The following RNF135 variants were observed in gnomAD, a reference collection of about 807,000 sequenced individuals.
RNF135 encodes ring finger protein 135.
Under a neutral mutation model 41.9 loss-of-function variants are expected in RNF135, and 46 were observed. That is an observed-to-expected ratio of 1.10 (90% CI 0.87 to 1.40). The LOEUF is 1.40. RNF135 is among the 40% of genes most tolerant of loss of function. The probability of loss-of-function intolerance (pLI) is 0.00; values close to 1 mark genes in which losing one functional copy is unlikely to be tolerated. For synonymous variants in RNF135, 238 were observed against 223.8 expected, an observed-to-expected ratio of 1.06 and a Z score of -0.57; for missense variants, 539 against 549.8, an observed-to-expected ratio of 0.98 and a Z score of 0.20.
intron 1 of RNF135, 118 bp downstream of exon 1, chr17:30,971,563 G>C: frequency 7.3e-7 from 1 of 1,367,316 alleles, no homozygotes; most frequent in Non-Finnish European, 9.4e-7. Context: ...CCTTTTCTCA[G>C]TCTAAAAGTC....
chr17:30,994,387 T>C (rs531589605), intron 3 of RNF135, among the ~76,000 whole-genome samples: 1 of 151,736 alleles, frequency 6.6e-6, no homozygotes, highest in African/African-American at 2.4e-5. Context: ...CTACCAAAAA[T>C]ACAAAAACTA....
intron 1 of RNF135, among the ~76,000 whole-genome samples, chr17:30,974,549 C>A (rs1598077854): frequency 6.8e-6 from 1 of 147,336 alleles, no homozygotes; most frequent in African/African-American, 2.5e-5. Context: ...CACAGAATGT[C>A]TTTTTATTTA....
the RNF135 span, among the ~76,000 whole-genome samples, chr17:30,960,743 TA>T: frequency 2.4e-3 from 317 of 132,702 alleles, 1 homozygote; most frequent in African/African-American, 0.01. Flanking sequence ...TATTTTATTT[TA>T]TTTTTTTTTT....
At chr17:30,984,787 T>A (rs562743505) in intron 2 of RNF135, 27 bp downstream of exon 2, 1 of 1,613,224 alleles carries the variant, frequency 6.2e-7, no homozygotes, top group Non-Finnish European at 8.5e-7. Flanking sequence ...GAGGAAAGGA[T>A]GTGGAAGGGA....
intron 4 of RNF135, 78 bp downstream of exon 4, chr17:30,997,409 C>T (rs754610054): frequency 1.6e-6 from 2 of 1,225,856 alleles, no homozygotes; most frequent in Admixed American, 1.7e-5. Context: ...ATCCATCTCC[C>T]TACTGCTAGG....
At chr17:30,979,540 C>CG (rs1170110084) in intron 1 of RNF135, among the ~76,000 whole-genome samples, 1 of 96,352 alleles carries the variant, frequency 1.0e-5, no homozygotes, top group Non-Finnish European at 2.5e-5. Context: ...CGACCCCCCC[C>CG]CCCCGCCTCC....
upstream of RNF135, among the ~76,000 whole-genome samples, chr17:30,966,012 C>T (rs1480231113): frequency 6.6e-6 from 1 of 152,174 alleles, no homozygotes; most frequent in Non-Finnish European, 1.5e-5. Context: ...TACATAACTC[C>T]TGAAGGTAAG....
chr17:30,980,355 C>T (rs1907000082), intron 1 of RNF135: 1 of 148,110 alleles, frequency 6.8e-6, no homozygotes, highest in Non-Finnish European at 1.5e-5. Context: ...CCACCTCCCT[C>T]CCGGACGGGG....
At position 30,983,353 on chromosome 17, in the gene RNF135, A is replaced by ATTTT. The variant is rs1192298651; in HGVS notation, c.373-1249_373-1246dup. On this transcript the variant is annotated intron_variant, in intron 1 of 4. Coordinates refer to ENST00000328381, the MANE Select transcript of RNF135 (RefSeq NM_032322.4). ...TATATATATATATATATATATATAT[A>ATTTT]TTTTTTTTTTTTTTTTTTGAGATGG... Among the ~76,000 whole-genome samples the ATTTT allele has an allele frequency of 1.3e-3, 46 of 35,722 alleles. 1 individual carries two copies. Among genetic ancestry groups the ATTTT allele is most frequent in the East Asian group, 3.5e-3 (4 of 1,130 alleles). The allele number at this position is 35,722 out of a possible 152,430, so 23.4% of individuals were successfully genotyped here. A position where few individuals can be genotyped will look rare whatever the true frequency, so the allele number is the denominator to read the frequency against.
intron 1 of RNF135, among the ~76,000 whole-genome samples, chr17:30,974,492 T>A (rs1473125688): frequency 6.6e-6 from 1 of 152,058 alleles, no homozygotes; most frequent in African/African-American, 2.4e-5. Context: ...TAGATCACTT[T>A]GGGTAGTATT....
At chr17:30,962,964 G>T in the RNF135 span, among the ~76,000 whole-genome samples, 1 of 152,040 alleles carries the variant, frequency 6.6e-6, no homozygotes, top group Admixed American at 6.6e-5. Flanking sequence ...TGTTCTGATA[G>T]GTATGGAGTG....
chr17:30,968,887 A>G (rs965392243), upstream of RNF135: 6 of 151,574 alleles, frequency 4.0e-5, no homozygotes, highest in African/African-American at 1.5e-4. Context: ...AATTTTTTTG[A>G]GACTAGGTCT....
the RNF135 span, chr17:30,965,325 AG>A: frequency 6.6e-6 from 1 of 152,294 alleles, no homozygotes; most frequent in Admixed American, 6.5e-5. Flanking sequence ...TGGGCAACAA[AG>A]ACCCTGTCTC....
At chr17:30,990,264 T>A (rs1248999446) in intron 3 of RNF135, among the ~76,000 whole-genome samples, 2 of 152,162 alleles carry the variant, frequency 1.3e-5, no homozygotes, top group East Asian at 1.9e-4. Context: ...GGCTCATGCC[T>A]GTAATCCCAG....
intron 4 of RNF135, 27 bp from the exon 5 acceptor site, chr17:30,998,635 C>A: frequency 6.2e-7 from 1 of 1,608,894 alleles, no homozygotes; most frequent in Non-Finnish European, 8.5e-7. Flanking sequence ...CGGCCATGTT[C>A]TTATTGTTCT....
chr17:30,979,861 G>A (rs1448113169), intron 1 of RNF135, among the ~76,000 whole-genome samples: 6 of 116,162 alleles, frequency 5.2e-5, no homozygotes, highest in Non-Finnish European at 9.0e-5. Context: ...CGGGGGGGCT[G>A]ACCCCCCCAC....
At chr17:30,979,503 A>G (rs1254815963) in intron 1 of RNF135, among the ~76,000 whole-genome samples, 1 of 24,152 alleles carries the variant, frequency 4.1e-5, no homozygotes, top group African/African-American at 1.1e-4. Context: ...GACCCCCCCC[A>G]CCTCCCTCCC....
intron 1 of RNF135, among the ~76,000 whole-genome samples, chr17:30,983,349 ATATATTTT>A (rs1286072795): frequency 0.016 from 620 of 38,482 alleles, 2 homozygotes; most frequent in African/African-American, 0.061. Context: ...ATATATATAT[ATATATTTT>A]TTTTTTTTTT....
At position 30,984,689 on chromosome 17, in the gene RNF135, G is replaced by A; in HGVS notation, c.445G>A (p.Val149Ile). Residue 149 changes from valine (V) to isoleucine (I), a missense_variant, in exon 2 of 5, where the codon GTC (valine) becomes ATC (isoleucine). Physicochemically the swap from Val to Ile is conservative, Grantham distance 29. Coordinates refer to ENST00000328381, the MANE Select transcript of RNF135 (RefSeq NM_032322.4). Reference sequence around the variant, plus strand: ...GCTGGTGGAACATCTTGTAGACATTGTCAGAAGCCTGCAGAATCAGAGGCC... The same window carrying A: ...GCTGGTGGAACATCTTGTAGACATTATCAGAAGCCTGCAGAATCAGAGGCC... ...TELVEHLVDI[V>I]RSLQNQRPLS... The A allele has an allele frequency of 6.2e-7, 1 of 1,614,150 alleles. No individual in the cohort carries two copies. The highest frequency in any genetic ancestry group is 1.6e-4 in the Middle Eastern group (1 of 6,062).
Sources: allele counts gnomAD v4.1 joint callset (sites outside exome capture counted in the v4.1 genomes callset), GRCh38; gene constraint gnomAD v4.1.1; transcripts MANE v1.5; gene names NCBI Gene and HGNC (gene_info 2026-07-23, HGNC 2026-07-21).